Variants in SNX24 observed in about 807,000 individuals in gnomAD.
SNX24 encodes the protein sorting nexin-24.
Under a neutral mutation model 28.7 loss-of-function variants are expected in SNX24, and 22 were observed. The ratio of observed to expected loss-of-function variants is 0.77; its 90% CI spans 0.55 to 1.10. SNX24 has a LOEUF of 1.10. Among genes scored for constraint, SNX24 ranks in the 50% least tolerant of loss-of-function variants. The probability of loss-of-function intolerance (pLI) is 0.00; values close to 1 mark genes in which losing one functional copy is unlikely to be tolerated. For synonymous variants in SNX24, 69 were observed against 71.5 expected, an observed-to-expected ratio of 0.96 and a Z score of 0.18; for missense variants, 221 against 201.1, an observed-to-expected ratio of 1.10 and a Z score of -0.60.
At chr5:122,943,298 C>A (rs4527599) in intron 2 of SNX24, among the ~76,000 whole-genome samples, 106 of 152,274 alleles carry the variant, frequency 7.0e-4, no homozygotes, top group African/African-American at 2.3e-3. Flanking sequence ...TGCTTCCCTC[C>A]TGTGCTCATC....
At chr5:122,929,134 A>G (rs140827603) in intron 1 of SNX24, among the ~76,000 whole-genome samples, 11 of 152,196 alleles carry the variant, frequency 7.2e-5, no homozygotes, top group African/African-American at 2.4e-4. Flanking sequence ...AGAGAAGAAG[A>G]GTGGAGTTAG....
intron 1 of SNX24, among the ~76,000 whole-genome samples, chr5:122,876,326 G>A (rs946213342): frequency 1.3e-4 from 20 of 152,186 alleles, no homozygotes; most frequent in East Asian, 3.9e-4. Context: ...TAATGTCAGC[G>A]TATAAAAATG....
intron 1 of SNX24, among the ~76,000 whole-genome samples, chr5:122,879,024 T>C (rs1756358510): frequency 6.6e-6 from 1 of 151,958 alleles, no homozygotes; most frequent in African/African-American, 2.4e-5. Flanking sequence ...TACAAAGAGA[T>C]TTAAAAATTT....
intron 3 of SNX24, among the ~76,000 whole-genome samples, chr5:122,963,714 T>G (rs1468365695): frequency 6.6e-6 from 1 of 152,240 alleles, no homozygotes; most frequent in Admixed American, 6.5e-5. Flanking sequence ...CACTTTTAGC[T>G]TGATGACTCC....
chr5:122,852,050 T>G (rs181691552), intron 1 of SNX24, among the ~76,000 whole-genome samples: 59 of 151,772 alleles, frequency 3.9e-4, no homozygotes, highest in African/African-American at 1.4e-3. Flanking sequence ...TGCATTTTAT[T>G]GGTACTGTAG....
At chr5:122,958,190 T>C (rs1175565234) in intron 3 of SNX24, among the ~76,000 whole-genome samples, 1 of 152,182 alleles carries the variant, frequency 6.6e-6, no homozygotes, top group Non-Finnish European at 1.5e-5. Context: ...TATGTTGAGG[T>C]AATTTTGTCT....
intron 1 of SNX24, among the ~76,000 whole-genome samples, chr5:122,867,121 A>G (rs1361849221): frequency 6.6e-6 from 1 of 152,234 alleles, no homozygotes; most frequent in Non-Finnish European, 1.5e-5. Flanking sequence ...CCAGCCCTGC[A>G]AAGTATTGCA....
chr5:122,904,134 GAT>G (rs953067401), intron 1 of SNX24, among the ~76,000 whole-genome samples: 1 of 151,938 alleles, frequency 6.6e-6, no homozygotes, highest in Non-Finnish European at 1.5e-5. Flanking sequence ...GAGAATGATA[GAT>G]TGTTGAAGTA....
intron 1 of SNX24, among the ~76,000 whole-genome samples, chr5:122,864,137 A>G (rs1008850544): frequency 7.2e-6 from 1 of 138,728 alleles, no homozygotes; most frequent in Non-Finnish European, 1.5e-5. Context: ...AGAATAAACT[A>G]TAAGGAAGAG....
At chr5:122,977,773 A>T (rs763373621) in intron 3 of SNX24, among the ~76,000 whole-genome samples, 1 of 152,222 alleles carries the variant, frequency 6.6e-6, no homozygotes, top group Non-Finnish European at 1.5e-5. Context: ...GGAATTAGGT[A>T]TACTTCTAAG....
intron 1 of SNX24, among the ~76,000 whole-genome samples, chr5:122,868,647 C>G (rs943406241): frequency 2.0e-5 from 3 of 152,114 alleles, no homozygotes; most frequent in Non-Finnish European, 4.4e-5. Context: ...TATCCATATT[C>G]TGGGACCCAC....
intron 2 of SNX24, among the ~76,000 whole-genome samples, chr5:122,944,111 C>CT (rs1759577398): frequency 6.6e-6 from 1 of 152,216 alleles, no homozygotes; most frequent in South Asian, 2.1e-4. Context: ...TACAGGAAAA[C>CT]TAAAAACAGG....
intron 3 of SNX24, among the ~76,000 whole-genome samples, chr5:122,949,698 C>T (rs548816373): frequency 1.2e-3 from 188 of 152,214 alleles, no homozygotes; most frequent in Non-Finnish European, 1.8e-3. Flanking sequence ...AGATTAAAAA[C>T]AATAGTATGA....
At chr5:123,018,382 C>T (rs1023594407) in intron 5 of SNX24, among the ~76,000 whole-genome samples, 5 of 152,032 alleles carry the variant, frequency 3.3e-5, no homozygotes, top group Non-Finnish European at 7.4e-5. Context: ...GGAAGAAAAA[C>T]GGTCATTTTC....
chr5:122,957,548 G>T (rs1760266388), intron 3 of SNX24, among the ~76,000 whole-genome samples: 1 of 151,946 alleles, frequency 6.6e-6, no homozygotes, highest in Non-Finnish European at 1.5e-5. Flanking sequence ...TTATATTTCT[G>T]CAAAAATAAA....
chr5:122,912,341 A>T (rs56082522), intron 1 of SNX24, among the ~76,000 whole-genome samples: 1 of 150,324 alleles, frequency 6.7e-6, no homozygotes, highest in South Asian at 2.1e-4. Context: ...ACTTTGCTGA[A>T]GTTGCTTATG....
chr5:122,968,599 T>C (rs1175747042), intron 3 of SNX24, among the ~76,000 whole-genome samples: 2 of 152,160 alleles, frequency 1.3e-5, no homozygotes, highest in African/African-American at 4.8e-5. Flanking sequence ...TTGTTGGGTC[T>C]ACTTGTCTTC....
intron 6 of SNX24, among the ~76,000 whole-genome samples, chr5:123,005,757 T>G (rs778445332): frequency 6.6e-6 from 1 of 152,200 alleles, no homozygotes; most frequent in Non-Finnish European, 1.5e-5. Flanking sequence ...TCCTTCTATG[T>G]GGGAGAAATA....
chr5:122,853,384 C>G (rs1040240305), intron 1 of SNX24, among the ~76,000 whole-genome samples: 1 of 152,140 alleles, frequency 6.6e-6, no homozygotes, highest in Non-Finnish European at 1.5e-5. Context: ...GCCTCGGCCT[C>G]CCAAAGTGCT....
Sources: gnomAD v4.1 joint callset for allele counts (sites outside exome capture counted in the v4.1 genomes callset) on GRCh38, gnomAD v4.1.1 for gene constraint, MANE v1.5 for transcripts, NCBI Gene and HGNC (gene_info 2026-07-23, HGNC 2026-07-21) for gene names.